SORCS3: variants seen among roughly 807,000 people sequenced by gnomAD.
SORCS3 encodes sortilin related VPS10 domain containing receptor 3, also known as VPS10 domain-containing receptor SorCS3.
A neutral mutation model predicts 146.3 loss-of-function variants in SORCS3; 57 were observed. That is an observed-to-expected ratio of 0.39 (90% CI 0.31 to 0.49). SORCS3 has a LOEUF of 0.49. SORCS3 is among the 20% of genes least tolerant of loss of function. The pLI, the probability that SORCS3 is intolerant of heterozygous loss-of-function variation, is 0.92. For missense variants in SORCS3, 1,341 were observed against 1,575.5 expected (o/e 0.85, Z 2.52); for synonymous variants, 653 against 618.5 (o/e 1.06, Z -0.83).
At chr10:105,053,850 A>G (rs1430088758) in intron 5 of SORCS3, among the ~76,000 whole-genome samples, 1 of 152,040 alleles carries the variant, frequency 6.6e-6, no homozygotes, top group South Asian at 2.1e-4. Context: ...GAAACATTTA[A>G]GTAATTATTT....
intron 1 of SORCS3, among the ~76,000 whole-genome samples, chr10:104,802,978 G>T (rs1231819311): frequency 4.3e-5 from 6 of 138,622 alleles, no homozygotes; most frequent in African/African-American, 1.6e-4. Context: ...AGGGGAGGTA[G>T]TTCTGCTCCG....
chr10:105,197,044 C>T (rs1273211478), intron 14 of SORCS3, among the ~76,000 whole-genome samples: 2 of 152,138 alleles, frequency 1.3e-5, no homozygotes, highest in African/African-American at 4.8e-5. Context: ...ATGGCCTTCT[C>T]CTCACTGCAT....
intron 3 of SORCS3, among the ~76,000 whole-genome samples, chr10:104,961,774 G>C (rs2054797538): frequency 6.6e-6 from 1 of 152,034 alleles, no homozygotes; most frequent in Non-Finnish European, 1.5e-5. Context: ...TGTCTAGTAG[G>C]GCACTGATGA....
intron 4 of SORCS3, among the ~76,000 whole-genome samples, chr10:104,995,586 T>C (rs2055022399): frequency 6.6e-6 from 1 of 152,222 alleles, no homozygotes; most frequent in African/African-American, 2.4e-5. Flanking sequence ...TCTATGGTTT[T>C]TGCCTATTTT....
At chr10:104,975,006 G>T (rs556431522) in intron 3 of SORCS3, among the ~76,000 whole-genome samples, 1 of 152,058 alleles carries the variant, frequency 6.6e-6, no homozygotes, top group Non-Finnish European at 1.5e-5. Context: ...TTTTCTTTAA[G>T]AATGTCAAAT....
chr10:104,978,868 T>C (rs2054917219), intron 4 of SORCS3, among the ~76,000 whole-genome samples: 3 of 152,182 alleles, frequency 2.0e-5, no homozygotes, highest in African/African-American at 7.2e-5. Flanking sequence ...CAGTCCCCAG[T>C]AGATATTACC....
intron 8 of SORCS3, among the ~76,000 whole-genome samples, chr10:105,139,740 C>T (rs1275012195): frequency 6.6e-6 from 1 of 152,000 alleles, no homozygotes; most frequent in African/African-American, 2.4e-5. Context: ...GGTCATTTCC[C>T]AGGGGCAGTA....
chr10:104,751,844 G>A (rs1159909931), intron 1 of SORCS3, among the ~76,000 whole-genome samples: 1 of 148,142 alleles, frequency 6.8e-6, no homozygotes, highest in Admixed American at 6.8e-5. Flanking sequence ...CTTGTACTGT[G>A]GCTGGGATTT....
intron 5 of SORCS3, among the ~76,000 whole-genome samples, chr10:105,062,892 G>A (rs1458279432): frequency 6.6e-6 from 1 of 152,092 alleles, no homozygotes; most frequent in Non-Finnish European, 1.5e-5. Context: ...TGGAGATGAT[G>A]GTCTTTTAGG....
intron 1 of SORCS3, among the ~76,000 whole-genome samples, chr10:104,735,454 C>CTTTTTTTTTTTTTT (rs1554847561): frequency 2.0e-4 from 3 of 14,858 alleles, no homozygotes; most frequent in African/African-American, 7.4e-4. Flanking sequence ...CTCTCACCGT[C>CTTTTTTTTTTTTTT]TGTTTTTTTT....
At chr10:105,051,180 C>T (rs1036702223) in intron 5 of SORCS3, among the ~76,000 whole-genome samples, 2 of 152,100 alleles carry the variant, frequency 1.3e-5, no homozygotes, top group Non-Finnish European at 2.9e-5. Context: ...ACACACAAGG[C>T]ATGTATGTAC....
At chr10:104,715,993 T>A (rs1415591826) in intron 1 of SORCS3, among the ~76,000 whole-genome samples, 1 of 152,142 alleles carries the variant, frequency 6.6e-6, no homozygotes, top group Non-Finnish European at 1.5e-5. Context: ...GACCACCCAT[T>A]TACAGGAGTC....
intron 16 of SORCS3, among the ~76,000 whole-genome samples, chr10:105,205,822 G>A (rs971209571): frequency 6.6e-6 from 1 of 152,164 alleles, no homozygotes; most frequent in East Asian, 1.9e-4. Flanking sequence ...CCCAGAAGGA[G>A]AGTCTGCTAT....
intron 2 of SORCS3, among the ~76,000 whole-genome samples, chr10:104,847,126 T>C (rs530686939): frequency 6.6e-6 from 1 of 152,334 alleles, no homozygotes; most frequent in South Asian, 2.1e-4. Context: ...TTTGGTGCCA[T>C]ATTTATGCCC....
At chr10:105,211,582 G>A (rs938187417) in intron 17 of SORCS3, among the ~76,000 whole-genome samples, 1 of 152,140 alleles carries the variant, frequency 6.6e-6, no homozygotes, top group African/African-American at 2.4e-5. Flanking sequence ...GTGATGTGCA[G>A]ATATTACACT....
intron 4 of SORCS3, among the ~76,000 whole-genome samples, chr10:104,978,562 A>G (rs906002523): frequency 6.6e-6 from 1 of 152,184 alleles, no homozygotes; most frequent in Admixed American, 6.5e-5. Flanking sequence ...CCTAGGGAGT[A>G]TCTTTAATAT....
At chr10:105,262,561 C>A in intron 26 of SORCS3, 70 bp downstream of exon 26, 1 of 1,498,284 alleles carries the variant, frequency 6.7e-7, no homozygotes, top group Non-Finnish European at 9.1e-7. Context: ...TCATCTGTCC[C>A]CCATACATTA....
At chr10:105,020,542 T>C (rs1249615273) in intron 4 of SORCS3, among the ~76,000 whole-genome samples, 1 of 152,218 alleles carries the variant, frequency 6.6e-6, no homozygotes, top group African/African-American at 2.4e-5. Context: ...AGTTTCACAC[T>C]ATGGTAAATT....
At chr10:104,805,330 G>T (rs1263101223) in intron 1 of SORCS3, among the ~76,000 whole-genome samples, 1 of 152,208 alleles carries the variant, frequency 6.6e-6, no homozygotes, top group Non-Finnish European at 1.5e-5. Flanking sequence ...GACTAATTTT[G>T]AGAGGGTGAC....
Sources: allele counts gnomAD v4.1 joint callset (sites outside exome capture counted in the v4.1 genomes callset), GRCh38; gene constraint gnomAD v4.1.1; transcripts MANE v1.5; gene names NCBI Gene and HGNC (gene_info 2026-07-23, HGNC 2026-07-21).